The following JMJD1C variants were observed in gnomAD, a reference collection of about 807,000 sequenced individuals.
JMJD1C encodes jumonji domain containing 1C, also known as jumonji domain-containing protein 1C.
A neutral mutation model predicts 245.3 loss-of-function variants in JMJD1C; 31 were observed. The ratio of observed to expected loss-of-function variants is 0.13; its 90% CI spans 0.09 to 0.17. The LOEUF (loss-of-function observed/expected upper bound fraction) is 0.17. Among genes scored for constraint, JMJD1C ranks in the 10% least tolerant of loss-of-function variants. The pLI, the probability that JMJD1C is intolerant of heterozygous loss-of-function variation, is 1.00. For missense variants in JMJD1C, 2,691 were observed against 3,000.2 expected (o/e 0.90, Z 2.41); for synonymous variants, 1,057 against 1,017.4 (o/e 1.04, Z -0.74).
intron 22 of JMJD1C, among the ~76,000 whole-genome samples, chr10:63,179,418 A>T (rs1843209420): frequency 6.6e-6 from 1 of 151,656 alleles, no homozygotes; most frequent in African/African-American, 2.4e-5. Flanking sequence ...TCAAAAAAAA[A>T]AAGAAAAAAG....
intron 13 of JMJD1C, among the ~76,000 whole-genome samples, chr10:63,196,982 T>G (rs556148863): frequency 2.0e-5 from 3 of 151,974 alleles, no homozygotes; most frequent in East Asian, 1.9e-4. Flanking sequence ...ATTTTTTTTT[T>G]GTAGAGATGG....
At chr10:63,203,016 T>G in intron 10 of JMJD1C, 1 of 984,536 alleles carries the variant, frequency 1.0e-6, no homozygotes, top group Non-Finnish European at 1.2e-6. Context: ...GATAGTACTA[T>G]AGTAAAGAAT....
chr10:63,289,631 C>G (rs1352531473), intron 2 of JMJD1C, among the ~76,000 whole-genome samples: 1 of 152,026 alleles, frequency 6.6e-6, no homozygotes, highest in Non-Finnish European at 1.5e-5. Flanking sequence ...CAAGTTAAAT[C>G]CTGTTAAATA....
At chr10:63,376,784 G>A (rs551408091) in intron 2 of JMJD1C, among the ~76,000 whole-genome samples, 4 of 152,172 alleles carry the variant, frequency 2.6e-5, no homozygotes, top group Admixed American at 1.3e-4. Flanking sequence ...AAATGTTGGT[G>A]AGGATGTAAA....
intron 23 of JMJD1C, 40 bp downstream of exon 23, chr10:63,177,677 G>C (rs771495799): frequency 6.2e-7 from 1 of 1,603,592 alleles, no homozygotes; most frequent in South Asian, 1.1e-5. Flanking sequence ...ATAAGTCCTT[G>C]CTTGAGGGGA....
chr10:63,285,731 C>T (rs1857914157), intron 2 of JMJD1C, among the ~76,000 whole-genome samples: 1 of 152,098 alleles, frequency 6.6e-6, no homozygotes, highest in African/African-American at 2.4e-5. Context: ...TCACCTGAGC[C>T]CAGGAGTTTG....
At chr10:63,380,580 TATG>T (rs1947134241) in intron 1 of JMJD1C, 98 bp from the exon 2 acceptor site, 2 of 873,996 alleles carry the variant, frequency 2.3e-6, no homozygotes, top group African/African-American at 1.7e-5. Context: ...ATGGGGTACA[TATG>T]ATATCGTGAT....
intron 2 of JMJD1C, among the ~76,000 whole-genome samples, chr10:63,352,746 AAG>A (rs764130219): frequency 3.4e-4 from 52 of 152,176 alleles, no homozygotes; most frequent in Admixed American, 1.8e-3. Context: ...ACCGCTGAAC[AAG>A]AGAGGTTTGA....
chr10:63,435,427 G>A (rs1475063411), intron 1 of JMJD1C, among the ~76,000 whole-genome samples: 1 of 152,050 alleles, frequency 6.6e-6, no homozygotes, highest in Non-Finnish European at 1.5e-5. Context: ...TATTTAATTT[G>A]GAAAGATTAT....
At chr10:63,326,942 T>C (rs1016401451) in intron 2 of JMJD1C, among the ~76,000 whole-genome samples, 1 of 152,014 alleles carries the variant, frequency 6.6e-6, no homozygotes, top group African/African-American at 2.4e-5. Context: ...ATCCCAGCAG[T>C]TTGGGAGACC....
intron 3 of JMJD1C, among the ~76,000 whole-genome samples, chr10:63,263,762 T>A (rs959507253): frequency 1.9e-4 from 29 of 151,736 alleles, no homozygotes; most frequent in Non-Finnish European, 3.2e-4. Context: ...TGAAACCCCA[T>A]CTCTATTAAA....
chr10:63,469,575 T>C (rs1330327886), upstream of JMJD1C, among the ~76,000 whole-genome samples: 4 of 152,214 alleles, frequency 2.6e-5, no homozygotes, highest in Non-Finnish European at 5.9e-5. Flanking sequence ...GTTCTGGAGA[T>C]AGGACCTTTA....
chr10:63,393,300 C>A (rs1388961950), intron 1 of JMJD1C, among the ~76,000 whole-genome samples: 1 of 152,056 alleles, frequency 6.6e-6, no homozygotes, highest in Non-Finnish European at 1.5e-5. Context: ...TGCTCAACAA[C>A]ATGAATCATC....
chr10:63,256,291 CT>C (rs1853917202), intron 3 of JMJD1C, among the ~76,000 whole-genome samples: 1 of 152,020 alleles, frequency 6.6e-6, no homozygotes, highest in Non-Finnish European at 1.5e-5. Context: ...TGAAGAGCTC[CT>C]TTTTTAAATA....
chr10:63,471,458 CTTTCCTG>C (rs1413538494), intron 1 of JMJD1C, among the ~76,000 whole-genome samples: 1 of 152,168 alleles, frequency 6.6e-6, no homozygotes, highest in Non-Finnish European at 1.5e-5. Context: ...GCAAAGTATG[CTTTCCTG>C]TCACGTGGTA....
intron 10 of JMJD1C, chr10:63,203,479 C>G (rs943591848): frequency 1.2e-5 from 12 of 984,872 alleles, no homozygotes; most frequent in Non-Finnish European, 1.4e-5. Context: ...ATGCCACCCC[C>G]TTAAAAAATA....
chr10:63,272,953 CAA>C (rs1022441893), intron 2 of JMJD1C, among the ~76,000 whole-genome samples: 2 of 152,108 alleles, frequency 1.3e-5, no homozygotes. Context: ...ACAATTGCCT[CAA>C]AAGTCATACA....
intron 1 of JMJD1C, among the ~76,000 whole-genome samples, chr10:63,504,303 A>G (rs376049271): frequency 1.9e-4 from 29 of 152,314 alleles, no homozygotes; most frequent in Admixed American, 7.8e-4. Flanking sequence ...GAAAACAACA[A>G]CAGCAGCCAG....
chr10:63,435,745 CA>C (rs1213501203), intron 1 of JMJD1C, among the ~76,000 whole-genome samples: 2 of 152,068 alleles, frequency 1.3e-5, no homozygotes, highest in African/African-American at 4.8e-5. Context: ...ATTAAAAGTA[CA>C]AAAATTAGCT....
Sources: allele counts gnomAD v4.1 joint callset (sites outside exome capture counted in the v4.1 genomes callset), GRCh38; gene constraint gnomAD v4.1.1; transcripts MANE v1.5; gene names NCBI Gene and HGNC (gene_info 2026-07-23, HGNC 2026-07-21).